The following GCN1 variants were observed in gnomAD, a reference collection of about 807,000 sequenced individuals.
GCN1 encodes the protein stalled ribosome sensor GCN1.
GCN1 carries 90 observed loss-of-function variants against 288.4 expected under a neutral mutation model. The observed-to-expected ratio is 0.31, with a 90% CI of 0.26 to 0.37. The LOEUF is 0.37. GCN1 is among the 10% of genes least tolerant of loss of function. The pLI is 1.00. For synonymous variants in GCN1, 1,386 were observed against 1,420.2 expected (o/e 0.98, Z 0.54); for missense variants, 2,586 against 3,419.9 (o/e 0.76, Z 6.08).
intron 14 of GCN1, 57 bp downstream of exon 14, chr12:120,173,596 A>G (rs1878376455): frequency 6.0e-6 from 6 of 997,430 alleles, no homozygotes; most frequent in Non-Finnish European, 9.4e-6. Flanking sequence ...ACAATACCCT[A>G]AAGACTCAGT....
At chr12:120,175,557 AC>A (rs71451869) in intron 11 of GCN1, among the ~76,000 whole-genome samples, 188 bp downstream of exon 11, 1 of 152,074 alleles carries the variant, frequency 6.6e-6, no homozygotes, top group Non-Finnish European at 1.5e-5. Context: ...ACCTGAGATC[AC>A]CCCATCCACA....
chr12:120,165,000 T>TACAC (rs1172798134), intron 16 of GCN1, among the ~76,000 whole-genome samples: 974 of 62,252 alleles, frequency 0.016, 6 homozygotes, highest in African/African-American at 0.042. Context: ...TATACACATA[T>TACAC]ATACACACAC....
chr12:120,147,169 G>T lies in GCN1; in HGVS notation c.4830C>A (p.Ala1610=). ...TGGGCATGATGAGGGCCAGGGATGG[G>T]GCATCAATGAAGTGGACAAACTTGG... The part of the protein sequence containing the change: ...LDTKFVHFID[A]PSLALIMPIV... The change falls in exon 38 of 58, where the codon GCC becomes GCA. Residue 1610 remains alanine (A), a synonymous_variant. Transcript: ENST00000300648. 6.2e-7 allele frequency: 1 copy of T among 1,613,200 alleles called. No individual in the cohort carries two copies. The highest frequency in any genetic ancestry group is 8.5e-7 in the Non-Finnish European group (1 of 1,179,264).
At chr12:120,186,969 T>C (rs1247722497) in intron 2 of GCN1, among the ~76,000 whole-genome samples, 1 of 152,162 alleles carries the variant, frequency 6.6e-6, no homozygotes, top group Non-Finnish European at 1.5e-5. Context: ...CTGCCTTTTC[T>C]AACTAGAGGG....
rs569337618 is a variant in GCN1 at position 120,192,892 on chromosome 12, C to T, written c.18+1788G>A. Among the ~76,000 whole-genome samples the T allele has an allele frequency of 2.3e-4, 34 of 146,988 alleles. No individual in the cohort carries two copies. The South Asian group carries it at 4.1e-3, about 18-fold the overall frequency. On this transcript the variant is annotated intron_variant, in intron 1 of 57. Coordinates refer to ENST00000300648, the MANE Select transcript of GCN1 (RefSeq NM_006836.2). ...AAACCCTGTCTCTACAAAAACTAGC[C>T]GGGCATGGTGGCGCATGCCTGTAAT...
intron 45 of GCN1, among the ~76,000 whole-genome samples, chr12:120,139,263 T>C (rs1346066404): frequency 6.6e-6 from 1 of 151,798 alleles, no homozygotes; most frequent in African/African-American, 2.4e-5. Flanking sequence ...CCAAAAGAGA[T>C]GGTGCCCCTG....
intron 2 of GCN1, among the ~76,000 whole-genome samples, chr12:120,189,822 C>T (rs573302348): frequency 6.5e-4 from 99 of 151,918 alleles, no homozygotes; most frequent in African/African-American, 2.3e-3. Flanking sequence ...CTACTAAAAA[C>T]ACGAAAATTA....
At chr12:120,182,681 T>C (rs778224760) in intron 5 of GCN1, among the ~76,000 whole-genome samples, 64 of 152,130 alleles carry the variant, frequency 4.2e-4, no homozygotes, top group Non-Finnish European at 8.5e-4. Flanking sequence ...CTCACACCTA[T>C]AATCCCAACA....
At chr12:120,189,582 TG>T (rs1013146201) in intron 2 of GCN1, among the ~76,000 whole-genome samples, 4 of 148,604 alleles carry the variant, frequency 2.7e-5, no homozygotes, top group Non-Finnish European at 5.9e-5. Flanking sequence ...TTGGCCAGGA[TG>T]GTCTCAAACT....
At chr12:120,171,372 T>C (rs1566314416) in intron 14 of GCN1, among the ~76,000 whole-genome samples, 1 of 147,868 alleles carries the variant, frequency 6.8e-6, no homozygotes, top group Admixed American at 6.7e-5. Flanking sequence ...GAGGCTGAGG[T>C]TGGAGAATCG....
In GCN1 at chr12:120,153,622, G is replaced by C; in HGVS notation, c.3867+122C>G. On this transcript the variant is annotated intron_variant, in intron 32 of 57. Transcript: ENST00000300648. This position sits in a 1 kb window ranked among gnomAD's most constrained non-coding sequence, Gnocchi z 4.4. ...CTTTTTGGCTCAAAGTGCTCTGCCA[G>C]GACTCTTGGCACTCAGCATTTCTGG... The C allele has an allele frequency of 1.0e-6, 1 of 1,000,460 alleles. No homozygotes were observed. The highest frequency in any genetic ancestry group is 1.5e-6 in the Non-Finnish European group (1 of 661,372). The allele number at this position is 1,000,460 out of a possible 1,614,324, so 62.0% of individuals were successfully genotyped here. A position where few individuals can be genotyped will look rare whatever the true frequency, so the allele number is the denominator to read the frequency against.
chr12:120,135,388 G>A (rs1356075917), intron 51 of GCN1, among the ~76,000 whole-genome samples: 2 of 151,836 alleles, frequency 1.3e-5, no homozygotes, highest in Non-Finnish European at 2.9e-5. Flanking sequence ...TTTTGAGACG[G>A]AGTTTCGCTC....
At chr12:120,150,178 G>C (rs1457951934) in intron 34 of GCN1, 135 bp from the exon 35 acceptor site, 1 of 792,206 alleles carries the variant, frequency 1.3e-6, no homozygotes, top group African/African-American at 1.7e-5. Context: ...GGAACTAGTA[G>C]ATGCCCCATG....
intron 11 of GCN1, 68 bp from the exon 12 acceptor site, chr12:120,175,280 G>A: frequency 7.4e-7 from 1 of 1,349,894 alleles, no homozygotes; most frequent in South Asian, 1.2e-5. Flanking sequence ...GAACAATGCA[G>A]TCACGTGTGT....
At position 120,156,881 on chromosome 12, in the gene GCN1, C is replaced by T; in HGVS notation, c.3168+31G>A. The stretch of plus-strand genomic sequence containing the variant: ...TTGAGGTCTGGGTCACGAACTGAGT[C>T]ACAGCAACAGCCAACTGAAAACCAC... On this transcript the variant is annotated intron_variant, in intron 27 of 57. Coordinates refer to ENST00000300648, the MANE Select transcript of GCN1 (RefSeq NM_006836.2). This position sits in a 1 kb window ranked among gnomAD's most constrained non-coding sequence, Gnocchi z 5.8. The T allele has an allele frequency of 6.8e-7, 1 of 1,468,134 alleles. No homozygotes were observed. The highest frequency in any genetic ancestry group is 9.6e-7 in the Non-Finnish European group (1 of 1,046,676). The allele number at this position is 1,468,134 out of a possible 1,614,324, so 90.9% of individuals were successfully genotyped here.
At chr12:120,128,076 G>A in intron 57 of GCN1, 102 bp from the exon 58 acceptor site, 1 of 1,281,920 alleles carries the variant, frequency 7.8e-7, no homozygotes, top group Non-Finnish European at 1.1e-6. Context: ...CAGAACTAGA[G>A]ACACTGAGGT....
chr12:120,193,541 C>T (rs1032068948), intron 1 of GCN1, among the ~76,000 whole-genome samples: 2 of 152,162 alleles, frequency 1.3e-5, no homozygotes, highest in African/African-American at 4.8e-5. Flanking sequence ...CTGACCTCAA[C>T]TGATCCACCC....
chr12:120,138,380 A>G lies in GCN1; in HGVS notation c.6192T>C (p.Gly2064=), dbSNP rs1271502207. ...TCTTAATAGCCATGACTTGCTTCAG[A>G]CCATCCAAGGCAAACTCTGACACCT... ...DEEVSEFALD[G]LKQVMAIKSR... Residue 2064 remains glycine, a synonymous_variant, in exon 47 of 58, where the codon GGT becomes GGC. Coordinates refer to ENST00000300648, the MANE Select transcript of GCN1 (RefSeq NM_006836.2). 6.2e-7 allele frequency: 1 copy of G among 1,612,462 alleles called. No individual in the cohort carries two copies.
Position 120,165,002 on chromosome 12 carries a change from TACACAC to T in GCN1, c.1613-287_1613-282del, listed in dbSNP as rs55710290. ...ATACATATACATATATACACATATA[TACACAC>T]ACACACACACACACACACACACACA... On this transcript the variant is annotated intron_variant, in intron 16 of 57. Transcript: ENST00000300648. Among the ~76,000 whole-genome samples, 816 of 136,762 alleles carry T rather than the reference TACACAC, an allele frequency of 6.0e-3. 3 individuals are homozygous for T. Among genetic ancestry groups the T allele is most frequent in the Middle Eastern group, 0.031 (8 of 262 alleles). The allele number at this position is 136,762 out of a possible 152,430, so 89.7% of individuals were successfully genotyped here.
Sources: allele counts gnomAD v4.1 joint callset (sites outside exome capture counted in the v4.1 genomes callset), GRCh38; gene constraint gnomAD v4.1.1; non-coding constraint Gnocchi (gnomAD v3.1); transcripts MANE v1.5; gene names NCBI Gene and HGNC (gene_info 2026-07-23, HGNC 2026-07-21).